The following TFPI variants were observed in gnomAD, a reference collection of about 807,000 sequenced individuals.
The protein encoded by TFPI is anti-convertin.
Under a neutral mutation model 34.6 loss-of-function variants are expected in TFPI, and 15 were observed. The observed-to-expected ratio is 0.43, with a 90% CI of 0.29 to 0.67. The LOEUF is 0.67. Ranked by LOEUF, TFPI falls within the 30% of genes least tolerant of loss-of-function variation. TFPI has a pLI of 0.15. For missense variants in TFPI, 301 were observed against 364.0 expected, an observed-to-expected ratio of 0.83 and a Z score of 1.41; for synonymous variants, 105 against 120.1, an observed-to-expected ratio of 0.87 and a Z score of 0.82.
chr2:187,544,507 C>G (rs1416274587), intron 1 of TFPI: 2 of 152,066 alleles, frequency 1.3e-5, no homozygotes, highest in Non-Finnish European at 2.9e-5. Context: ...ATCAAACCTC[C>G]GTTATAATTG....
At chr2:187,479,058 G>T (rs1471845199) in intron 6 of TFPI, among the ~76,000 whole-genome samples, 2 of 152,066 alleles carry the variant, frequency 1.3e-5, no homozygotes, top group Admixed American at 1.3e-4. Flanking sequence ...AAGGCAGATT[G>T]GTTAAGAAGA....
intron 1 of TFPI, among the ~76,000 whole-genome samples, chr2:187,542,463 G>C (rs1688632662): frequency 6.6e-6 from 1 of 152,098 alleles, no homozygotes; most frequent in Admixed American, 6.5e-5. Context: ...TTGTGTACAA[G>C]AAAGAGATTG....
rs1685527919 is a variant in TFPI at position 187,497,005 on chromosome 2, T to G, written c.195A>C (p.Ala65=). Residue 65 remains alanine, a synonymous_variant, in exon 3 of 8, where the codon GCA becomes GCC. Transcript: ENST00000233156. ...AFKADDGPCK[A]IMKRFFFNIF... is the part of the protein sequence containing the mutation. ...TATTGAAGAAAAATCTTTTCATGAT[T>G]GCTTTACATGGGCCATCATCCGCCT... 1 of 1,613,284 alleles carries G rather than the reference T, an allele frequency of 6.2e-7. No individual in the cohort carries two copies. The highest frequency in any genetic ancestry group is 8.5e-7 in the Non-Finnish European group (1 of 1,179,550).
chr2:187,496,342 C>T (rs938078567), intron 3 of TFPI, among the ~76,000 whole-genome samples: 1 of 152,036 alleles, frequency 6.6e-6, no homozygotes, highest in Non-Finnish European at 1.5e-5. Flanking sequence ...GAGAGTATAG[C>T]GATGAGACCA....
intron 1 of TFPI, among the ~76,000 whole-genome samples, chr2:187,512,167 GC>G (rs1416353727): frequency 3.3e-5 from 5 of 151,444 alleles, no homozygotes; most frequent in African/African-American, 1.2e-4. Flanking sequence ...TGGCCCAAAT[GC>G]ATTCACTCTG....
intron 1 of TFPI, chr2:187,518,893 A>T (rs551233567): frequency 6.6e-6 from 1 of 152,070 alleles, no homozygotes; most frequent in Non-Finnish European, 1.5e-5. Context: ...TCATTAAGTC[A>T]ATCTTCTACC....
chr2:187,509,283 G>C (rs1397097064), intron 1 of TFPI, among the ~76,000 whole-genome samples: 2 of 152,176 alleles, frequency 1.3e-5, no homozygotes, highest in Non-Finnish European at 2.9e-5. Flanking sequence ...TGTCTTCCAG[G>C]TTTTGGTATC....
intron 1 of TFPI, chr2:187,520,751 AAATT>A (rs1405140901): frequency 6.6e-6 from 1 of 152,088 alleles, no homozygotes; most frequent in African/African-American, 2.4e-5. Context: ...TCTCTGTATT[AAATT>A]ATTTAATCCT....
At chr2:187,467,451 A>G (rs1024211179) in intron 7 of TFPI, among the ~76,000 whole-genome samples, 3 of 152,084 alleles carry the variant, frequency 2.0e-5, no homozygotes, top group African/African-American at 7.2e-5. Flanking sequence ...AATTTTGTGC[A>G]TTACAAGAAA....
intron 3 of TFPI, among the ~76,000 whole-genome samples, chr2:187,490,735 A>G (rs1157435470): frequency 2.0e-5 from 3 of 150,908 alleles, no homozygotes; most frequent in Non-Finnish European, 4.5e-5. Context: ...AATTATCATT[A>G]AAGTTGAGTA....
chr2:187,474,908 G>A (rs771585519), intron 6 of TFPI, among the ~76,000 whole-genome samples: 6 of 152,252 alleles, frequency 3.9e-5, no homozygotes, highest in South Asian at 4.1e-4. Flanking sequence ...CCAGGCAAAC[G>A]AGTTTGAAGT....
chr2:187,495,862 A>G (rs1685442368), intron 3 of TFPI, among the ~76,000 whole-genome samples: 1 of 152,244 alleles, frequency 6.6e-6, no homozygotes, highest in South Asian at 2.1e-4. Flanking sequence ...TTGGTCTAGA[A>G]ACTAGGGAAA....
At chr2:187,487,672 C>A (rs1396980004) in intron 4 of TFPI, among the ~76,000 whole-genome samples, 1 of 65,006 alleles carries the variant, frequency 1.5e-5, no homozygotes, top group East Asian at 2.6e-4. Context: ...CCATTGATAA[C>A]ATTTTTTCTT....
At chr2:187,499,307 TA>T (rs1685695354) in intron 2 of TFPI, among the ~76,000 whole-genome samples, 1 of 152,038 alleles carries the variant, frequency 6.6e-6, no homozygotes, top group Non-Finnish European at 1.5e-5. Flanking sequence ...TAGAAATTCA[TA>T]ACAAATATAA....
intron 6 of TFPI, among the ~76,000 whole-genome samples, chr2:187,475,273 C>T (rs1030318027): frequency 6.6e-6 from 1 of 152,010 alleles, no homozygotes; most frequent in Non-Finnish European, 1.5e-5. Flanking sequence ...ATATGTCCTT[C>T]AATTAGTTAT....
intron 3 of TFPI, 57 bp downstream of exon 3, chr2:187,496,824 T>C (rs1685512660): frequency 2.7e-6 from 4 of 1,455,546 alleles, no homozygotes; most frequent in Non-Finnish European, 3.8e-6. Flanking sequence ...ATCAAATCCA[T>C]AATTAGACTC....
chr2:187,494,559 T>G (rs993347841), intron 3 of TFPI, among the ~76,000 whole-genome samples: 1 of 152,188 alleles, frequency 6.6e-6, no homozygotes. Context: ...TAGTTCTTTA[T>G]GTTGGGGAGA....
chr2:187,531,333 G>T lies in TFPI; in HGVS notation c.-3+22867C>A, dbSNP rs1041547762. Among the ~76,000 whole-genome samples, 14 of 152,178 alleles carry T rather than the reference G, an allele frequency of 9.2e-5. 1 individual carries two copies. The highest frequency in any genetic ancestry group is 3.4e-4 in the African/African-American group (14 of 41,524). ...AAGAATTCCAAATTGTGCTTTCAAG[G>T]TCTTATTATATAAAATGTTTATTGT... On this transcript the variant is annotated intron_variant, in intron 1 of 7. Coordinates refer to ENST00000233156, the MANE Select transcript of TFPI (RefSeq NM_006287.6).
intron 6 of TFPI, chr2:187,478,767 G>A (rs148657144): frequency 9.3e-6 from 15 of 1,613,444 alleles, no homozygotes; most frequent in African/African-American, 5.3e-5. Context: ...AATATGAGCC[G>A]CATTCTTCCA....
Sources: allele counts gnomAD v4.1 joint callset (sites outside exome capture counted in the v4.1 genomes callset), GRCh38; gene constraint gnomAD v4.1.1; transcripts MANE v1.5; gene names NCBI Gene and HGNC (gene_info 2026-07-23, HGNC 2026-07-21).